The following ROR1 variants were observed in gnomAD, a reference collection of about 807,000 sequenced individuals.
ROR1 encodes inactive tyrosine-protein kinase transmembrane receptor ROR1.
In ROR1, 19 loss-of-function variants were observed where a neutral mutation model predicts 78.8. The observed-to-expected ratio is 0.24, with a 90% CI of 0.17 to 0.35. ROR1 has a LOEUF of 0.35. Among genes scored for constraint, ROR1 ranks in the 10% least tolerant of loss-of-function variants. The probability of loss-of-function intolerance (pLI) is 1.00; values close to 1 mark genes in which losing one functional copy is unlikely to be tolerated. For synonymous variants in ROR1, 386 were observed against 433.6 expected (o/e 0.89, Z 1.36); for missense variants, 917 against 1,177.8 (o/e 0.78, Z 3.24).
At position 63,774,387 on chromosome 1, in the gene ROR1, C is replaced by A. The variant is rs2100210473; in HGVS notation, c.-31C>A. On this transcript the variant is annotated 5_prime_UTR_variant, in exon 1 of 9. Coordinates refer to ENST00000371079, the MANE Select transcript of ROR1 (RefSeq NM_005012.4). This position sits in a 1 kb window ranked among gnomAD's most constrained non-coding sequence, Gnocchi z 5.7. ...GATGTTCTGCGCGCGGCCTGGGAGC[C>A]GCCGCCGCCGCCGCCTCAGCGAGAG... 2 of 1,168,696 alleles carry A rather than the reference C, an allele frequency of 1.7e-6. No homozygotes were observed. Among genetic ancestry groups the A allele is most frequent in the South Asian group, 2.2e-5 (1 of 45,270 alleles). The allele number at this position is 1,168,696 out of a possible 1,614,324, so 72.4% of individuals were successfully genotyped here. A position where few individuals can be genotyped will look rare whatever the true frequency, so the allele number is the denominator to read the frequency against.
chr1:63,976,705 G>A (rs976841219), intron 1 of ROR1, among the ~76,000 whole-genome samples: 1 of 152,080 alleles, frequency 6.6e-6, no homozygotes, highest in Non-Finnish European at 1.5e-5. Flanking sequence ...CCTTCAAATG[G>A]ATATAGGAAA....
At chr1:63,925,877 T>G (rs896611903) in intron 1 of ROR1, among the ~76,000 whole-genome samples, 5 of 151,496 alleles carry the variant, frequency 3.3e-5, no homozygotes, top group Non-Finnish European at 5.9e-5. Flanking sequence ...TTTTTTCTTG[T>G]AAATTTGTTT....
intron 1 of ROR1, among the ~76,000 whole-genome samples, chr1:63,779,349 C>T (rs1342665652): frequency 6.6e-6 from 1 of 152,160 alleles, no homozygotes; most frequent in Non-Finnish European, 1.5e-5. Context: ...CCAGTGAGGA[C>T]CAGACCCTGG....
chr1:64,162,467 T>C (rs939001122), intron 8 of ROR1, among the ~76,000 whole-genome samples: 1 of 152,174 alleles, frequency 6.6e-6, no homozygotes, highest in African/African-American at 2.4e-5. Context: ...ATGAGTTTCC[T>C]TCTGATCTGT....
At chr1:63,946,409 TCTAA>T (rs1376110510) in intron 1 of ROR1, among the ~76,000 whole-genome samples, 1 of 152,194 alleles carries the variant, frequency 6.6e-6, no homozygotes, top group African/African-American at 2.4e-5. Flanking sequence ...CTATATTGCC[TCTAA>T]CTTTGTTTGA....
At chr1:64,159,922 A>T (rs1649890269) in intron 8 of ROR1, among the ~76,000 whole-genome samples, 1 of 152,154 alleles carries the variant, frequency 6.6e-6, no homozygotes, top group South Asian at 2.1e-4. Flanking sequence ...CCTTACCTTA[A>T]ATGGAGCCCC....
chr1:63,989,168 GTT>G (rs1234720187), intron 1 of ROR1, among the ~76,000 whole-genome samples: 1 of 142,484 alleles, frequency 7.0e-6, no homozygotes, highest in Admixed American at 6.9e-5. Flanking sequence ...TTCTGTTTTT[GTT>G]TTTTTTTTTT....
At position 64,049,947 on chromosome 1, in the gene ROR1, T is replaced by G; in HGVS notation, c.420T>G (p.Val140=). The stretch of plus-strand genomic sequence containing the variant: ...TGGCAACAAACGGCAAGGAGGTGGT[T>G]TCTTCCACTGGAGTCTTGTTTGTCA... The part of the protein sequence containing the change: ...QCVATNGKEV[V]SSTGVLFVKF... The change falls in exon 3 of 9, where the codon GTT becomes GTG. Residue 140 remains valine (V), a synonymous_variant. Transcript: ENST00000371079. 1 of 1,614,148 alleles carries G rather than the reference T, an allele frequency of 6.2e-7. No individual in the cohort carries two copies. Among genetic ancestry groups the G allele is most frequent in the Non-Finnish European group, 8.5e-7 (1 of 1,180,026 alleles).
chr1:64,144,498 G>C (rs1649423656), intron 7 of ROR1, among the ~76,000 whole-genome samples: 5 of 152,238 alleles, frequency 3.3e-5, no homozygotes, highest in Admixed American at 3.3e-4. Flanking sequence ...GTCAGGGGCA[G>C]TAGCCTCAGT....
chr1:63,940,498 CAGAT>C lies in ROR1; in HGVS notation c.92-68765_92-68762del, dbSNP rs71584420. 3.5e-3 allele frequency among the ~76,000 whole-genome samples: 263 copies of C among 75,214 alleles called. 1 individual carries two copies. Among genetic ancestry groups the C allele is most frequent in the African/African-American group, 6.2e-3 (200 of 32,162 alleles). 49.3% of individuals were successfully genotyped at this position (75,214 alleles called of 152,430 possible). A position where few individuals can be genotyped will look rare whatever the true frequency, so the allele number is the denominator to read the frequency against. On this transcript the variant is annotated intron_variant, in intron 1 of 8. Transcript: ENST00000371079. ...ATAGATAGACAGATAGATAGACAGA[CAGAT>C]AGATAGATAGATAGATAGATAGATA...
chr1:64,170,301 T>G (rs1338779021), intron 8 of ROR1, among the ~76,000 whole-genome samples: 2 of 152,364 alleles, frequency 1.3e-5, no homozygotes, highest in South Asian at 4.1e-4. Flanking sequence ...TCTTGACTTC[T>G]GTGCACCTGC....
At chr1:63,860,076 T>TA (rs1645170548) in intron 1 of ROR1, among the ~76,000 whole-genome samples, 1 of 152,206 alleles carries the variant, frequency 6.6e-6, no homozygotes, top group South Asian at 2.1e-4. Flanking sequence ...TCTTCACTGT[T>TA]ATGCAGTGTC....
intron 2 of ROR1, among the ~76,000 whole-genome samples, chr1:64,044,761 G>T (rs12119326): frequency 1.3e-5 from 2 of 152,068 alleles, no homozygotes; most frequent in Non-Finnish European, 2.9e-5. Context: ...TGAACCTGCC[G>T]CTTGAAGGAA....
At chr1:63,895,526 G>A (rs1450927805) in intron 1 of ROR1, among the ~76,000 whole-genome samples, 1 of 152,136 alleles carries the variant, frequency 6.6e-6, no homozygotes, top group Non-Finnish European at 1.5e-5. Context: ...GTTTTGGCAT[G>A]TTTAGTCTCC....
chr1:64,092,165 ATTCC>A (rs1027390232), intron 4 of ROR1, among the ~76,000 whole-genome samples: 1 of 125,752 alleles, frequency 8.0e-6, no homozygotes, highest in Non-Finnish European at 1.6e-5. Context: ...CCCTTCTTCC[ATTCC>A]TTCCTTCCTT....
chr1:63,821,786 G>A (rs1402904630), intron 1 of ROR1, among the ~76,000 whole-genome samples: 2 of 152,186 alleles, frequency 1.3e-5, no homozygotes, highest in Admixed American at 6.5e-5. Flanking sequence ...TTGGCCGGAG[G>A]AAAATGTAGC....
chr1:64,078,912 G>A (rs1647075215), intron 4 of ROR1, among the ~76,000 whole-genome samples: 1 of 152,180 alleles, frequency 6.6e-6, no homozygotes, highest in African/African-American at 2.4e-5. Context: ...ATGAGGTGCT[G>A]ATAACACAAA....
chr1:63,971,689 A>G (rs532119989), intron 1 of ROR1, among the ~76,000 whole-genome samples: 15 of 152,284 alleles, frequency 9.9e-5, no homozygotes, highest in South Asian at 2.1e-4. Flanking sequence ...AAAGCCCTTC[A>G]TTGTCTACAA....
intron 1 of ROR1, among the ~76,000 whole-genome samples, chr1:63,963,586 C>CA (rs398053056): frequency 0.072 from 8,809 of 121,994 alleles, 656 homozygotes; most frequent in African/African-American, 0.2. Context: ...CAAAACAAAA[C>CA]AAAAAAAAAA....
Sources: gnomAD v4.1 joint callset for allele counts (sites outside exome capture counted in the v4.1 genomes callset) on GRCh38, gnomAD v4.1.1 for gene constraint, Gnocchi (gnomAD v3.1) non-coding constraint, MANE v1.5 for transcripts, NCBI Gene and HGNC (gene_info 2026-07-23, HGNC 2026-07-21) for gene names.